Variants in SLC9B1 observed in about 807,000 individuals in gnomAD.
The protein encoded by SLC9B1 is sodium/hydrogen exchanger 9B1.
A neutral mutation model predicts 51.7 loss-of-function variants in SLC9B1; 32 were observed. That is an observed-to-expected ratio of 0.62 (90% CI 0.47 to 0.83). The LOEUF is 0.83. SLC9B1 is among the 40% of genes least tolerant of loss of function. The pLI, the probability that SLC9B1 is intolerant of heterozygous loss-of-function variation, is 0.00. For synonymous variants in SLC9B1, 145 were observed against 212.7 expected, an observed-to-expected ratio of 0.68 and a Z score of 2.77; for missense variants, 406 against 613.2, an observed-to-expected ratio of 0.66 and a Z score of 3.57.
At chr4:102,993,396 A>G (rs1001707471) in intron 1 of SLC9B1, among the ~76,000 whole-genome samples, 2 of 152,210 alleles carry the variant, frequency 1.3e-5, no homozygotes, top group Admixed American at 1.3e-4. Flanking sequence ...CTTTTACTCC[A>G]TGTGGCACAT....
intron 7 of SLC9B1, among the ~76,000 whole-genome samples, chr4:102,930,597 G>T (rs1166913219): frequency 6.6e-6 from 1 of 151,880 alleles, no homozygotes; most frequent in East Asian, 1.9e-4. Context: ...TAGAGACAGG[G>T]TTTCACCATG....
rs186594204 is a variant in SLC9B1 at position 102,944,375 on chromosome 4, C to T, written c.653+818G>A. ...AAGCCTGCTCATGTACCCCTTGAGC[C>T]GAAATAAAAATTGGAGAAGAAAAAA... On this transcript the variant is annotated intron_variant, in intron 6 of 11. Coordinates refer to ENST00000296422, the MANE Select transcript of SLC9B1 (RefSeq NM_139173.4). Among the ~76,000 whole-genome samples, 301 of 151,786 alleles carry T rather than the reference C, an allele frequency of 2.0e-3. 5 individuals carry two copies. Among genetic ancestry groups the T allele is most frequent in the African/African-American group, 7.1e-3 (293 of 41,398 alleles).
At chr4:102,905,237 T>TTTATTTA (rs1185969416) in intron 11 of SLC9B1, among the ~76,000 whole-genome samples, 5 of 45,786 alleles carry the variant, frequency 1.1e-4, no homozygotes, top group African/African-American at 6.6e-4. Context: ...TTATTTATTT[T>TTTATTTA]TTTGAGATGG....
At chr4:102,891,807 T>C (rs1393364140) in intron 11 of SLC9B1, 4 of 152,192 alleles carry the variant, frequency 2.6e-5, no homozygotes, top group Admixed American at 2.0e-4. Context: ...AGATGACTTC[T>C]TCCACTTTAG....
intron 10 of SLC9B1, 89 bp from the exon 11 acceptor site, chr4:102,905,739 A>G (rs1235370221): frequency 1.0e-5 from 13 of 1,292,794 alleles, no homozygotes; most frequent in Non-Finnish European, 1.4e-5. Flanking sequence ...AAACTTTTGA[A>G]AACATTTTAA....
chr4:102,972,011 C>T (rs530491644), intron 3 of SLC9B1, among the ~76,000 whole-genome samples: 14 of 151,576 alleles, frequency 9.2e-5, no homozygotes, highest in Non-Finnish European at 1.8e-4. Context: ...AGCCTACCAA[C>T]AAAAAAAAGT....
intron 1 of SLC9B1, among the ~76,000 whole-genome samples, chr4:103,017,703 A>T (rs80150088): frequency 6.6e-6 from 1 of 151,754 alleles, no homozygotes; most frequent in African/African-American, 2.4e-5. Context: ...AGACCTTTAC[A>T]GTTTTACTTC....
Position 102,974,261 on chromosome 4 carries a change from A to AAAAAAAC in SLC9B1, c.211+15538_211+15539insGTTTTTT, listed in dbSNP as rs1354041870. Reference sequence around the variant, plus strand: ...AAAATTGAAAAAAAAAAAAAAAAAAAAAAAATCGGAGTAAACCTAAATAAA... The same window carrying AAAAAAAC: ...AAAATTGAAAAAAAAAAAAAAAAAAAAAAAAACAAAAATCGGAGTAAACCTAAATAAA... On this transcript the variant is annotated intron_variant, in intron 3 of 11. Coordinates refer to ENST00000296422, the MANE Select transcript of SLC9B1 (RefSeq NM_139173.4). Among the ~76,000 whole-genome samples the AAAAAAAC allele has an allele frequency of 2.0e-5, 3 of 147,552 alleles. No individual in the cohort carries two copies. In the South Asian group the frequency reaches 6.4e-4, roughly 32 times the overall value.
chr4:103,000,615 G>T (rs532979476), intron 1 of SLC9B1, among the ~76,000 whole-genome samples: 2 of 152,202 alleles, frequency 1.3e-5, no homozygotes, highest in Non-Finnish European at 2.9e-5. Flanking sequence ...AATCCAGTGG[G>T]GGCAGTCATT....
At chr4:102,936,245 A>C (rs1736718050) in intron 6 of SLC9B1, among the ~76,000 whole-genome samples, 1 of 152,214 alleles carries the variant, frequency 6.6e-6, no homozygotes, top group African/African-American at 2.4e-5. Flanking sequence ...AAGAATATAA[A>C]AAAGGAAAAA....
At chr4:102,921,222 A>G (rs1475304498) in intron 7 of SLC9B1, among the ~76,000 whole-genome samples, 1 of 152,196 alleles carries the variant, frequency 6.6e-6, no homozygotes, top group Non-Finnish European at 1.5e-5. Context: ...CTCAGCAGAA[A>G]CCCTGCAAGC....
chr4:102,888,597 T>C (rs1386048817), intron 11 of SLC9B1: 3 of 152,278 alleles, frequency 2.0e-5, no homozygotes, highest in African/African-American at 7.2e-5. Context: ...AATCCTACTA[T>C]TATGAATCTT....
intron 2 of SLC9B1, among the ~76,000 whole-genome samples, 174 bp downstream of exon 2, chr4:102,991,469 T>C (rs1739935445): frequency 6.6e-6 from 1 of 152,108 alleles, no homozygotes; most frequent in South Asian, 2.1e-4. Flanking sequence ...TCCATTTGTT[T>C]CATTATTTCT....
rs1390771996 is a variant in SLC9B1, at chr4:102,998,515, T to A, written c.-1-6803A>T. Among the ~76,000 whole-genome samples, 8 of 152,180 alleles carry A rather than the reference T, an allele frequency of 5.3e-5. No individual in the cohort carries two copies. In the East Asian group the frequency reaches 1.5e-3, roughly 29 times the overall value. On this transcript the variant is annotated intron_variant, in intron 1 of 11. Coordinates refer to ENST00000296422, the MANE Select transcript of SLC9B1 (RefSeq NM_139173.4). The stretch of plus-strand genomic sequence containing the variant: ...CCAATATCTGTTTGAATCCCTGATT[T>A]CAATTCTATTTGGTATATACCTGGA...
intron 3 of SLC9B1, among the ~76,000 whole-genome samples, chr4:102,974,840 C>A (rs1479951331): frequency 6.6e-6 from 1 of 152,058 alleles, no homozygotes; most frequent in Non-Finnish European, 1.5e-5. Context: ...TATTTAAGAT[C>A]ATTATAATCC....
intron 1 of SLC9B1, among the ~76,000 whole-genome samples, chr4:103,017,862 A>G (rs887245669): frequency 4.6e-5 from 7 of 152,204 alleles, no homozygotes; most frequent in African/African-American, 1.7e-4. Flanking sequence ...ACAACGCCTG[A>G]CAAAGTAGGA....
intron 5 of SLC9B1, 87 bp from the exon 6 acceptor site, chr4:102,945,407 T>G (rs1289255493): frequency 4.3e-6 from 6 of 1,397,280 alleles, no homozygotes; most frequent in African/African-American, 1.4e-5. Context: ...TAAAGTCTTT[T>G]TTCATAAGAA....
intron 6 of SLC9B1, among the ~76,000 whole-genome samples, chr4:102,942,009 G>A (rs1015698197): frequency 3.3e-5 from 5 of 152,164 alleles, no homozygotes; most frequent in East Asian, 3.9e-4. Flanking sequence ...GGTATACACC[G>A]ATGGTGACTG....
chr4:102,975,654 G>A (rs1238368497), intron 3 of SLC9B1, among the ~76,000 whole-genome samples: 1 of 118,910 alleles, frequency 8.4e-6, no homozygotes, highest in Non-Finnish European at 1.6e-5. Flanking sequence ...TGCAACCTCC[G>A]CCTCCTGGGG....
Sources: allele counts gnomAD v4.1 joint callset (sites outside exome capture counted in the v4.1 genomes callset), GRCh38; gene constraint gnomAD v4.1.1; transcripts MANE v1.5; gene names NCBI Gene and HGNC (gene_info 2026-07-23, HGNC 2026-07-21).